The following RYR2 variants were observed in gnomAD, a reference collection of about 807,000 sequenced individuals.
The protein encoded by RYR2 is ryanodine receptor 2, also known as cardiac muscle ryanodine receptor-calcium release channel.
RYR2 carries 227 observed loss-of-function variants against 601.1 expected under a neutral mutation model. That is an observed-to-expected ratio of 0.38 (90% confidence interval 0.34 to 0.42). The LOEUF (loss-of-function observed/expected upper bound fraction) is 0.42, where lower values mean the gene tolerates loss of function less well. Ranked by LOEUF, RYR2 falls within the 10% of genes least tolerant of loss-of-function variation. RYR2 has a pLI of 1.00. For synonymous variants in RYR2, 2,223 were observed against 2,175.1 expected (o/e 1.02, Z -0.61); for missense variants, 4,646 against 6,156.5 (o/e 0.75, Z 8.21).
intron 4 of RYR2, among the ~76,000 whole-genome samples, chr1:237,362,086 T>C (rs899424882): frequency 1.3e-5 from 2 of 152,216 alleles, no homozygotes; most frequent in East Asian, 1.9e-4. Flanking sequence ...TAATGTGGCA[T>C]GTGCCCCCAG....
intron 1 of RYR2, among the ~76,000 whole-genome samples, chr1:237,042,998 G>T (rs1660107510): frequency 6.6e-6 from 1 of 152,112 alleles, no homozygotes; most frequent in Non-Finnish European, 1.5e-5. Flanking sequence ...GGGAACTCGG[G>T]CTGTTTCTGG....
chr1:237,564,030 A>C (rs528556644), intron 27 of RYR2, among the ~76,000 whole-genome samples: 1 of 152,268 alleles, frequency 6.6e-6, no homozygotes, highest in East Asian at 1.9e-4. Flanking sequence ...TTATTTGCAA[A>C]TATCAACATA....
At chr1:237,089,652 G>A (rs1436750756) in intron 1 of RYR2, among the ~76,000 whole-genome samples, 3 of 152,184 alleles carry the variant, frequency 2.0e-5, no homozygotes, top group African/African-American at 7.2e-5. Context: ...ATCTTGTTAA[G>A]AAATATGAAA....
chr1:237,344,508 C>G (rs890206746), intron 3 of RYR2, among the ~76,000 whole-genome samples: 1 of 152,302 alleles, frequency 6.6e-6, no homozygotes, highest in Non-Finnish European at 1.5e-5. Context: ...AATTCCTCAA[C>G]CTAGAATTCT....
At chr1:237,094,717 G>T (rs373494835) in intron 1 of RYR2, among the ~76,000 whole-genome samples, 1 of 152,010 alleles carries the variant, frequency 6.6e-6, no homozygotes, top group South Asian at 2.1e-4. Flanking sequence ...TTAGCCTTCC[G>T]AGTAGCTGGG....
chr1:237,567,175 T>G (rs979689663), intron 28 of RYR2, among the ~76,000 whole-genome samples: 48 of 152,186 alleles, frequency 3.2e-4, no homozygotes, highest in African/African-American at 1.1e-3. Flanking sequence ...TCACAAACGG[T>G]TTTCATTTTC....
chr1:237,286,395 A>C lies in RYR2; in HGVS notation c.168+15779A>C, dbSNP rs561243623. ...GTGGTCTGAGGGATTGCTTGATATA[A>C]TTTCAGTTTTCTTAAATTTATTGAG... is the stretch of plus-strand genomic sequence containing the variant. On this transcript the variant is annotated intron_variant, in intron 2 of 104. Transcript: ENST00000366574. Among the ~76,000 whole-genome samples the C allele has an allele frequency of 2.6e-5, 4 of 151,654 alleles. No individual in the cohort carries two copies. The South Asian group carries it at 8.4e-4, about 32-fold the overall frequency.
chr1:237,407,190 C>G (rs1229033011), intron 10 of RYR2, among the ~76,000 whole-genome samples: 1 of 152,166 alleles, frequency 6.6e-6, no homozygotes, highest in African/African-American at 2.4e-5. Flanking sequence ...CACTGAAAAA[C>G]ATTCCAATGG....
At chr1:237,156,497 T>C (rs1053563762) in intron 1 of RYR2, among the ~76,000 whole-genome samples, 2 of 152,176 alleles carry the variant, frequency 1.3e-5, no homozygotes, top group Non-Finnish European at 2.9e-5. Context: ...AAGCTATTAA[T>C]AGACTTTAAG....
At chr1:237,613,985 AT>A (rs1269702329) in intron 36 of RYR2, 53 bp from the exon 37 acceptor site, 1 of 1,525,362 alleles carries the variant, frequency 6.6e-7, no homozygotes, top group Non-Finnish European at 8.9e-7. Context: ...TCTGATTCAG[AT>A]TTTAAAAAAT....
rs117880598 is a variant in RYR2, at chr1:237,371,257, G to A, written c.384+1649G>A. Among the ~76,000 whole-genome samples the A allele has an allele frequency of 7.9e-5, 12 of 152,256 alleles. No individual in the cohort carries two copies. In the East Asian group the frequency reaches 2.1e-3, roughly 27 times the overall value. ...TATAGCCTTGAACTCCGGGACTCAA[G>A]TGATTCTCTTGCTTCAACCTCCTGT... On this transcript the variant is annotated intron_variant, in intron 6 of 104. Coordinates refer to ENST00000366574, the MANE Select transcript of RYR2 (RefSeq NM_001035.3).
rs187770769 is a variant in RYR2 at position 237,414,608 on chromosome 1, C to T, written c.774-2441C>T. Among the ~76,000 whole-genome samples, 484 of 152,200 alleles carry T rather than the reference C, an allele frequency of 3.2e-3. 3 individuals are homozygous for T. The highest frequency in any genetic ancestry group is 5.5e-3 in the Non-Finnish European group (375 of 68,008). ...AATATGATATTTCAATACATACACA[C>T]AGTATAGAATGATCAAATCAGCCGT... On this transcript the variant is annotated intron_variant, in intron 10 of 104. Coordinates refer to ENST00000366574, the MANE Select transcript of RYR2 (RefSeq NM_001035.3).
At chr1:237,594,886 G>GTTTTTTTTT (rs776702428) in intron 33 of RYR2, among the ~76,000 whole-genome samples, 3 of 60,420 alleles carry the variant, frequency 5.0e-5, no homozygotes, top group African/African-American at 2.9e-4. Context: ...ATATCACTGG[G>GTTTTTTTTT]TTTTTTTTTT....
At chr1:237,257,629 G>A (rs1475181599) in intron 1 of RYR2, among the ~76,000 whole-genome samples, 1 of 152,172 alleles carries the variant, frequency 6.6e-6, no homozygotes, top group African/African-American at 2.4e-5. Flanking sequence ...GAGGTCGGCA[G>A]AGTCTTTCTT....
In RYR2 at chr1:237,202,600, G is replaced by A. The variant is rs1268377303; in HGVS notation, c.49-67897G>A. 2.0e-5 allele frequency among the ~76,000 whole-genome samples: 3 copies of A among 152,242 alleles called. No individual in the cohort carries two copies. In the East Asian group the frequency reaches 5.8e-4, roughly 29 times the overall value. ...TTTTTATAATTTTAGTAGAGACGTG[G>A]TTTTGCTATGTTGGCTAGGCTGGTC... is the stretch of plus-strand genomic sequence containing the variant. On this transcript the variant is annotated intron_variant, in intron 1 of 104. Coordinates refer to ENST00000366574, the MANE Select transcript of RYR2 (RefSeq NM_001035.3).
intron 84 of RYR2, among the ~76,000 whole-genome samples, chr1:237,768,936 G>A (rs993547687): frequency 2.6e-5 from 4 of 151,930 alleles, no homozygotes; most frequent in African/African-American, 2.4e-5. Flanking sequence ...TACGTGTTTC[G>A]GTATACAGTC....
At chr1:237,724,715 TTA>T (rs1165686635) in intron 74 of RYR2, among the ~76,000 whole-genome samples, 1 of 149,436 alleles carries the variant, frequency 6.7e-6, no homozygotes, top group African/African-American at 2.4e-5. Flanking sequence ...ATCTCCAGAA[TTA>T]TATATATATA....
At chr1:237,644,103 T>TA (rs754031580) in intron 48 of RYR2, among the ~76,000 whole-genome samples, 1 of 152,246 alleles carries the variant, frequency 6.6e-6, no homozygotes, top group African/African-American at 2.4e-5. Flanking sequence ...CTTAGTTCCT[T>TA]AGTTATGCAT....
chr1:237,489,583 G>A (rs1431980949), intron 17 of RYR2, among the ~76,000 whole-genome samples: 1 of 152,158 alleles, frequency 6.6e-6, no homozygotes, highest in Non-Finnish European at 1.5e-5. Flanking sequence ...CTTGAACCCG[G>A]GTGGTAGAGG....
Sources: gnomAD v4.1 joint callset for allele counts (sites outside exome capture counted in the v4.1 genomes callset) on GRCh38, gnomAD v4.1.1 for gene constraint, MANE v1.5 for transcripts, NCBI Gene and HGNC (gene_info 2026-07-23, HGNC 2026-07-21) for gene names.